The following PCMT1 variants were observed in gnomAD, a reference collection of about 807,000 sequenced individuals.
PCMT1 encodes protein-L-isoaspartate (D-aspartate) O-methyltransferase, also known as protein-L-isoaspartate(D-aspartate) O-methyltransferase.
PCMT1 carries 9 observed loss-of-function variants against 29.2 expected under a neutral mutation model. The observed-to-expected ratio is 0.31, with a 90% CI of 0.19 to 0.54. The LOEUF (loss-of-function observed/expected upper bound fraction) is 0.54, where lower values mean the gene tolerates loss of function less well. Ranked by LOEUF, PCMT1 falls within the 20% of genes least tolerant of loss-of-function variation. The pLI, the probability that PCMT1 is intolerant of heterozygous loss-of-function variation, is 0.95. For missense variants in PCMT1, 184 were observed against 282.2 expected, an observed-to-expected ratio of 0.65 and a Z score of 2.49; for synonymous variants, 98 against 97.5, an observed-to-expected ratio of 1.00 and a Z score of -0.03.
Position 149,754,432 on chromosome 6 carries a change from G to A in PCMT1, c.55+4476G>A, listed in dbSNP as rs115162982. Among the ~76,000 whole-genome samples the A allele has an allele frequency of 2.8e-3, 425 of 152,212 alleles. 4 individuals carry two copies. Among genetic ancestry groups the A allele is most frequent in the African/African-American group, 9.8e-3 (408 of 41,528 alleles). On this transcript the variant is annotated intron_variant, in intron 1 of 7. Transcript: ENST00000464889. Reference sequence around the variant, plus strand: ...TTATATTAGAGTTTACTTCCTACTCGTATTGAGATAATTTCAAGCCATGGT... The same window carrying A: ...TTATATTAGAGTTTACTTCCTACTCATATTGAGATAATTTCAAGCCATGGT...
intron 1 of PCMT1, among the ~76,000 whole-genome samples, chr6:149,764,150 G>A (rs2115230392): frequency 6.6e-6 from 1 of 152,268 alleles, no homozygotes; most frequent in East Asian, 1.9e-4. Context: ...ATTATTTTGG[G>A]AAATGAATTA....
intron 6 of PCMT1, chr6:149,796,796 G>T (rs1295013855): frequency 3.3e-5 from 8 of 244,964 alleles, no homozygotes; most frequent in Admixed American, 5.6e-5. Context: ...GGTTTTTTTT[G>T]TTTGTTTGTT....
intron 2 of PCMT1, 151 bp downstream of exon 2, chr6:149,771,417 C>A: frequency 4.1e-6 from 2 of 493,354 alleles, no homozygotes; most frequent in Non-Finnish European, 3.6e-6. Context: ...CCCAAACATA[C>A]CTATTTTAAT....
At chr6:149,789,077 T>C (rs1788243084) in intron 3 of PCMT1, among the ~76,000 whole-genome samples, 1 of 144,444 alleles carries the variant, frequency 6.9e-6, no homozygotes, top group African/African-American at 2.6e-5. Flanking sequence ...TTTTTTTTTT[T>C]TTTTTTTTTT....
chr6:149,810,638 C>G lies in PCMT1; in HGVS notation c.*60C>G, dbSNP rs1302426460. The G allele has an allele frequency of 6.5e-7, 1 of 1,545,360 alleles. No homozygotes were observed. Among genetic ancestry groups the G allele is most frequent in the Admixed American group, 2.0e-5 (1 of 50,908 alleles). ...CAGGGATGAATTGTAAAAGCAACAT[C>G]AGCTTGACCAGTATAAAATTACAGT... On this transcript the variant is annotated 3_prime_UTR_variant, in exon 8 of 8. Transcript: ENST00000464889.
At chr6:149,804,881 A>C (rs1775962525) in intron 7 of PCMT1, among the ~76,000 whole-genome samples, 1 of 152,038 alleles carries the variant, frequency 6.6e-6, no homozygotes, top group Admixed American at 6.6e-5. Context: ...TTTTCTAATT[A>C]TATAAACCTT....
At chr6:149,800,045 G>T (rs528983708) in intron 6 of PCMT1, among the ~76,000 whole-genome samples, 2 of 152,166 alleles carry the variant, frequency 1.3e-5, no homozygotes, top group Non-Finnish European at 2.9e-5. Context: ...GAGCAAGGGT[G>T]GGGTAGGGAG....
chr6:149,807,830 A>G (rs916383847), intron 7 of PCMT1, among the ~76,000 whole-genome samples: 2 of 152,226 alleles, frequency 1.3e-5, no homozygotes, highest in East Asian at 3.9e-4. Flanking sequence ...AATTGACTGC[A>G]TTTCCAAGAC....
chr6:149,786,635 CGG>C (rs1266080422), intron 3 of PCMT1, among the ~76,000 whole-genome samples: 1 of 147,810 alleles, frequency 6.8e-6, no homozygotes, highest in Non-Finnish European at 1.5e-5. Flanking sequence ...ACCTCCCAGA[CGG>C]GGTCGCGGCC....
rs374370806 is a variant in PCMT1, at chr6:149,766,530, A to G, written c.56-4632A>G. 1.5e-4 allele frequency among the ~76,000 whole-genome samples: 23 copies of G among 152,342 alleles called. No individual in the cohort carries two copies. The South Asian group carries it at 3.5e-3, about 23-fold the overall frequency. On this transcript the variant is annotated intron_variant, in intron 1 of 7. Transcript: ENST00000464889. ...GATGTGGAACATGGGTCAGCAAACT[A>G]CAGGCCACAGACAAAATTTGGCCTG...
chr6:149,764,885 C>G (rs1289790035), intron 1 of PCMT1, among the ~76,000 whole-genome samples: 5 of 150,322 alleles, frequency 3.3e-5, no homozygotes, highest in Admixed American at 6.7e-5. Flanking sequence ...ACTAAAAATA[C>G]AAAAAATTAG....
intron 7 of PCMT1, among the ~76,000 whole-genome samples, chr6:149,804,103 A>AT: frequency 6.6e-6 from 1 of 151,046 alleles, no homozygotes; most frequent in South Asian, 2.1e-4. Context: ...AAAAAAAAAA[A>AT]TTAAAAAGGC....
intron 3 of PCMT1, among the ~76,000 whole-genome samples, chr6:149,779,186 G>T (rs369007089): frequency 2.0e-5 from 3 of 152,000 alleles, no homozygotes; most frequent in Admixed American, 6.6e-5. Flanking sequence ...TCCCTAGCTC[G>T]GCTGTAAAGT....
At chr6:149,787,113 C>CA (rs1240199495) in intron 3 of PCMT1, among the ~76,000 whole-genome samples, 2 of 143,666 alleles carry the variant, frequency 1.4e-5, no homozygotes, top group South Asian at 2.3e-4. Context: ...CCGTCTCCAC[C>CA]AAAAAAATAC....
At position 149,767,609 on chromosome 6, in the gene PCMT1, C is replaced by T. The variant is rs148846507; in HGVS notation, c.56-3553C>T. ...CTGGGTCTACAGGTATGCGTCACTA[C>T]GTCCAGCTAATTTTTTAAGTTTTTT... On this transcript the variant is annotated intron_variant, in intron 1 of 7. Coordinates refer to ENST00000464889, the MANE Select transcript of PCMT1 (RefSeq NM_001360452.2). 9.5e-4 allele frequency among the ~76,000 whole-genome samples: 145 copies of T among 152,074 alleles called. 1 individual carries two copies. The highest frequency in any genetic ancestry group is 3.3e-3 in the African/African-American group (138 of 41,482).
At chr6:149,778,855 C>T (rs1787690075) in intron 3 of PCMT1, among the ~76,000 whole-genome samples, 1 of 151,940 alleles carries the variant, frequency 6.6e-6, no homozygotes, top group Admixed American at 6.6e-5. Context: ...TTTCTTTAAA[C>T]CATAGATTAG....
At chr6:149,805,086 T>G (rs1775966713) in intron 7 of PCMT1, among the ~76,000 whole-genome samples, 1 of 151,864 alleles carries the variant, frequency 6.6e-6, no homozygotes, top group Admixed American at 6.6e-5. Flanking sequence ...TACTAAAAAT[T>G]TAAGAACTAG....
At chr6:149,750,431 T>C (rs1042818370) in intron 1 of PCMT1, among the ~76,000 whole-genome samples, 3 of 152,184 alleles carry the variant, frequency 2.0e-5, no homozygotes, top group South Asian at 2.1e-4. Context: ...TTCCCTCTTA[T>C]GCAGCCTCCC....
intron 5 of PCMT1, chr6:149,795,083 C>T (rs1027550241): frequency 9.0e-6 from 3 of 332,564 alleles, no homozygotes; most frequent in Non-Finnish European, 1.2e-5. Flanking sequence ...ATCCTAGCTA[C>T]TCAGGAGGCT....
Sources: allele counts gnomAD v4.1 joint callset (sites outside exome capture counted in the v4.1 genomes callset), GRCh38; gene constraint gnomAD v4.1.1; transcripts MANE v1.5; gene names NCBI Gene and HGNC (gene_info 2026-07-23, HGNC 2026-07-21).